HK2: variants seen among roughly 807,000 people sequenced by gnomAD.
The protein encoded by HK2 is hexokinase-2.
Under a neutral mutation model 92.9 loss-of-function variants are expected in HK2, and 42 were observed. That is an observed-to-expected ratio of 0.45 (90% confidence interval 0.35 to 0.58). HK2 has a LOEUF of 0.58. Among genes scored for constraint, HK2 ranks in the 20% least tolerant of loss-of-function variants. The pLI, the probability that HK2 is intolerant of heterozygous loss-of-function variation, is 0.00. For missense variants in HK2, 978 were observed against 1,245.1 expected, an observed-to-expected ratio of 0.79 and a Z score of 3.23; for synonymous variants, 422 against 468.0, an observed-to-expected ratio of 0.90 and a Z score of 1.27.
rs1485562829 is a variant in HK2, at chr2:74,891,408, C to G, written c.*467C>G. ...CACTGAGGATGTGAGCCTGATTATCCTATAGGCAGACGTGGGGAGGGTGGA... is the reference window on the plus strand; with the variant it reads ...CACTGAGGATGTGAGCCTGATTATCGTATAGGCAGACGTGGGGAGGGTGGA... On this transcript the variant is annotated 3_prime_UTR_variant, in exon 18 of 18. Transcript: ENST00000290573. The G allele has an allele frequency of 1.5e-5, 3 of 202,182 alleles. No individual in the cohort carries two copies. In the Admixed American group the frequency reaches 1.6e-4, roughly 11 times the overall value. 12.5% of individuals were successfully genotyped at this position (202,182 alleles called of 1,614,324 possible).
At chr2:74,839,088 T>A (rs2103827240) in intron 1 of HK2, among the ~76,000 whole-genome samples, 1 of 152,276 alleles carries the variant, frequency 6.6e-6, no homozygotes, top group East Asian at 1.9e-4. Flanking sequence ...GAGGAATATC[T>A]TGGAAGCGAA....
chr2:74,881,970 C>T (rs1351598624), intron 11 of HK2, 111 bp downstream of exon 11: 1 of 1,432,042 alleles, frequency 7.0e-7, no homozygotes, highest in Non-Finnish European at 9.8e-7. Context: ...TAGCTGGACC[C>T]AGGGCTGCAG....
intron 7 of HK2, among the ~76,000 whole-genome samples, chr2:74,875,624 C>T (rs555420147): frequency 8.5e-5 from 13 of 152,204 alleles, no homozygotes; most frequent in East Asian, 1.9e-4. Context: ...CCACCGCGCC[C>T]GGCCTGAGAG....
chr2:74,885,601 A>ATCAGACCTCG lies in HK2; in HGVS notation c.1935+13_1935+14insCAGACCTCGT. 6.4e-7 allele frequency: 1 copy of ATCAGACCTCG among 1,574,046 alleles called. No homozygotes were observed. Among genetic ancestry groups the ATCAGACCTCG allele is most frequent in the Non-Finnish European group, 8.7e-7 (1 of 1,143,382 alleles). Reference sequence around the variant, plus strand: ...TCCACCGGCGAGAGGTAGGAGACACATGGCACGAGGTCTGATGTGTCAGCT... The same window carrying ATCAGACCTCG: ...TCCACCGGCGAGAGGTAGGAGACACATCAGACCTCGTGGCACGAGGTCTGATGTGTCAGCT... On this transcript the variant is annotated intron_variant, in intron 13 of 17. Transcript: ENST00000290573.
In HK2 at chr2:74,834,643, G is replaced by C; in HGVS notation, c.63G>C (p.Lys21Asn). 1.2e-6 allele frequency: 2 copies of C among 1,613,976 alleles called. No homozygotes were observed. Among genetic ancestry groups the C allele is most frequent in the Non-Finnish European group, 1.7e-6 (2 of 1,179,868 alleles). The change falls in exon 1 of 18, where the codon AAG (lysine) becomes AAC (asparagine). Residue 21 changes from lysine to asparagine, a missense_variant and splice_region_variant. Around this residue, in one of 3 missense-constraint regions of HK2, gnomAD observed 47 missense variants for 33.1 expected, o/e 1.42. Transcript: ENST00000290573. The surrounding 1 kb of genome is among the most constrained non-coding windows in gnomAD (Gnocchi z 4.2). ...AGCTCAACCATGACCAAGTGCAGAA[G>C]GTAAGTCAGCGCGGGCGGGGCGGCA... ...FTELNHDQVQKVDQYLYHMRL... is the reference protein window; with the variant it reads ...FTELNHDQVQNVDQYLYHMRL...
chr2:74,843,791 C>T (rs551166441), intron 1 of HK2, among the ~76,000 whole-genome samples: 11 of 152,164 alleles, frequency 7.2e-5, no homozygotes, highest in African/African-American at 2.2e-4. Flanking sequence ...TGAGGGCATT[C>T]GAAACTGCCA....
At chr2:74,877,455 A>G (rs1270460089) in intron 8 of HK2, 134 bp downstream of exon 8, 9 of 982,130 alleles carry the variant, frequency 9.2e-6, no homozygotes, top group Non-Finnish European at 1.4e-5. Context: ...GACGTGGACC[A>G]TGGCGGGCCT....
At chr2:74,839,533 T>C (rs1477080327) in intron 1 of HK2, among the ~76,000 whole-genome samples, 1 of 152,212 alleles carries the variant, frequency 6.6e-6, no homozygotes. Flanking sequence ...TAGTTAGGAA[T>C]ACTTTGTAGC....
At chr2:74,877,878 G>A (rs766237577) in intron 8 of HK2, among the ~76,000 whole-genome samples, 68 of 152,302 alleles carry the variant, frequency 4.5e-4, no homozygotes, top group Non-Finnish European at 7.9e-4. Context: ...AGAGTCAGGC[G>A]GGCCTCGTTT....
rs114227958 is a variant in HK2, at chr2:74,880,747, G to A, written c.1570+178G>A. ...CAAACAAGGTGCTCCTCTGCAAACAGTAGTAATGGTCAACACTTATTGAAT... is the reference window on the plus strand; with the variant it reads ...CAAACAAGGTGCTCCTCTGCAAACAATAGTAATGGTCAACACTTATTGAAT... On this transcript the variant is annotated intron_variant, in intron 10 of 17. Coordinates refer to ENST00000290573, the MANE Select transcript of HK2 (RefSeq NM_000189.5). Among the ~76,000 whole-genome samples the A allele has an allele frequency of 4.2e-3, 643 of 152,372 alleles. 1 individual carries two copies. The highest frequency in any genetic ancestry group is 0.015 in the African/African-American group (612 of 41,584).
rs780015045 is a variant in HK2 at position 74,889,353 on chromosome 2, G to A, written c.2484G>A (p.Arg828=). 18 of 1,614,108 alleles carry A rather than the reference G, an allele frequency of 1.1e-5. No individual in the cohort carries two copies. Among genetic ancestry groups the A allele is most frequent in the African/African-American group, 1.3e-5 (1 of 74,948 alleles). The change falls in exon 17 of 18, where the codon CGG becomes CGA. Residue 828 remains arginine (R), a synonymous_variant. Coordinates refer to ENST00000290573, the MANE Select transcript of HK2 (RefSeq NM_000189.5). ...AGGAGGTGTGCACTGTGGTGGCCCG[G>A]CGGGCAGCCCAGCTCTGTGGCGCAG... ...IVKEVCTVVA[R]RAAQLCGAGM... is the part of the protein sequence containing the mutation.
In HK2 at chr2:74,892,254, T is replaced by TTG. The variant is rs1381382349; in HGVS notation, c.*1315_*1316dup. 6.6e-6 allele frequency: 1 copy of TTG among 152,194 alleles called. No individual in the cohort carries two copies. Among genetic ancestry groups the TTG allele is most frequent in the Non-Finnish European group, 1.5e-5 (1 of 68,030 alleles). 9.4% of individuals were successfully genotyped at this position (152,194 alleles called of 1,614,324 possible). A position where few individuals can be genotyped will look rare whatever the true frequency, so the allele number is the denominator to read the frequency against. Reference sequence around the variant, plus strand: ...AGTCACCAAAATTTCTTTTTTTAAATTGTATCTAATCCTCAACAACAAACC... The same window carrying TTG: ...AGTCACCAAAATTTCTTTTTTTAAATTGTGTATCTAATCCTCAACAACAAACC... On this transcript the variant is annotated 3_prime_UTR_variant, in exon 18 of 18. Transcript: ENST00000290573.
chr2:74,887,275 C>T (rs1023058992), intron 15 of HK2, among the ~76,000 whole-genome samples: 1 of 152,024 alleles, frequency 6.6e-6, no homozygotes, highest in East Asian at 1.9e-4. Context: ...AGGGGCCAGG[C>T]AGGCAACATT....
chr2:74,885,613 CTGA>C (rs1324376837), intron 13 of HK2, 24 bp downstream of exon 13: 2 of 1,453,424 alleles, frequency 1.4e-6, no homozygotes, highest in African/African-American at 2.8e-5. Context: ...GGCACGAGGT[CTGA>C]TGTGTCAGCT....
At chr2:74,878,428 T>TGTGTGC (rs1263230968) in intron 8 of HK2, among the ~76,000 whole-genome samples, 1 of 150,878 alleles carries the variant, frequency 6.6e-6, no homozygotes. Flanking sequence ...TGTGTGTGTG[T>TGTGTGC]GTGTGTGTGT....
intron 1 of HK2, among the ~76,000 whole-genome samples, chr2:74,853,151 G>A (rs937142357): frequency 1.3e-5 from 2 of 152,090 alleles, no homozygotes; most frequent in Non-Finnish European, 2.9e-5. Flanking sequence ...AGGCAGGGAT[G>A]GGCAAGTTGG....
At chr2:74,862,681 G>A (rs563290692) in intron 2 of HK2, among the ~76,000 whole-genome samples, 32 of 152,322 alleles carry the variant, frequency 2.1e-4, no homozygotes, top group African/African-American at 7.0e-4. Flanking sequence ...GGGTACTTAC[G>A]TAGTCCAGGC....
intron 2 of HK2, among the ~76,000 whole-genome samples, chr2:74,867,192 C>T (rs936307249): frequency 6.6e-6 from 1 of 151,378 alleles, no homozygotes; most frequent in Non-Finnish European, 1.5e-5. Flanking sequence ...ACTACTTAGC[C>T]ATAAAAAGGA....
At chr2:74,863,477 A>T (rs1407731105) in intron 2 of HK2, among the ~76,000 whole-genome samples, 1 of 152,182 alleles carries the variant, frequency 6.6e-6, no homozygotes, top group Non-Finnish European at 1.5e-5. Flanking sequence ...GGTGGCCGGC[A>T]TTGCATTGTA....
Sources: gnomAD v4.1 joint callset for allele counts (sites outside exome capture counted in the v4.1 genomes callset) on GRCh38, gnomAD v4.1.1 for gene constraint, gnomAD v4.1.1 regional missense constraint, Gnocchi (gnomAD v3.1) non-coding constraint, MANE v1.5 for transcripts, NCBI Gene and HGNC (gene_info 2026-07-23, HGNC 2026-07-21) for gene names.